Variants in GTPBP6 observed in about 807,000 individuals in gnomAD.
GTPBP6 encodes GTP binding protein 6.
In GTPBP6, 33 loss-of-function variants were observed where a neutral mutation model predicts 28.9. The observed-to-expected ratio is 1.14, with a 90% CI of 0.87 to 1.53. GTPBP6 has a LOEUF of 1.53. Among genes scored for constraint, GTPBP6 ranks in the 40% most tolerant of loss-of-function variants. The pLI, the probability that GTPBP6 is intolerant of heterozygous loss-of-function variation, is 0.00. For missense variants in GTPBP6, 507 were observed against 408.3 expected (o/e 1.24, Z -2.08); for synonymous variants, 231 against 192.7 (o/e 1.20, Z -1.65).
chrX:305,274 C>G, intron 9 of GTPBP6, 77 bp from the exon 10 acceptor site: 1 of 1,123,992 alleles, frequency 8.9e-7, no homozygotes. Flanking sequence ...AATAATTACG[C>G]TAAAAAGAGC....
In GTPBP6 at chrX:312,722, G is replaced by GTATCCC. The variant is rs376744795; in HGVS notation, c.916+43_916+44insGGGATA. The GTATCCC allele has an allele frequency of 1.5e-5, 24 of 1,595,654 alleles. 1 individual carries two copies. Among genetic ancestry groups the GTATCCC allele is most frequent in the Non-Finnish European group, 2.0e-5 (23 of 1,166,144 alleles). On this transcript the variant is annotated intron_variant, in intron 6 of 9. Coordinates refer to ENST00000326153, the Ensembl canonical transcript of GTPBP6. ...CTCCCCCGGGCGAGTCCTCACCGGT[G>GTATCCC]ACACGGAGACCGCGGAAGGCCCCTC...
chrX:317,398 T>C (rs2070457381), intron 1 of GTPBP6, among the ~76,000 whole-genome samples: 2 of 152,028 alleles, frequency 1.3e-5, no homozygotes, highest in African/African-American at 4.8e-5. Flanking sequence ...TGCGCGCTGT[T>C]CTGAGCAGTT....
intron 1 of GTPBP6, among the ~76,000 whole-genome samples, chrX:318,010 T>C (rs2070472506): frequency 1.0e-5 from 1 of 99,090 alleles, no homozygotes; most frequent in Admixed American, 1.1e-4. Context: ...CGCCACGCCC[T>C]GGCATCTCCA....
chrX:308,884 C>T (rs1402115508), intron 7 of GTPBP6, among the ~76,000 whole-genome samples: 3 of 151,782 alleles, frequency 2.0e-5, no homozygotes, highest in South Asian at 2.1e-4. Context: ...TACAGGCACC[C>T]GCCACCATGC....
chrX:314,322 A>C, intron 4 of GTPBP6, 105 bp from the exon 5 acceptor site: 2 of 931,990 alleles, frequency 2.1e-6, no homozygotes, highest in Admixed American at 1.9e-5. Flanking sequence ...TCTGGGCCGA[A>C]GGGAGGAGCC....
intron 2 of GTPBP6, among the ~76,000 whole-genome samples, chrX:316,662 A>G (rs2070445980): frequency 1.3e-5 from 2 of 152,112 alleles, no homozygotes; most frequent in African/African-American, 4.8e-5. Flanking sequence ...GTTGGACTCT[A>G]TAAACTGCCC....
At chrX:304,893 G>A (rs1408846709) in exon 10 of GTPBP6, 4 of 1,441,582 alleles carry the variant, frequency 2.8e-6, no homozygotes, top group Non-Finnish European at 3.7e-6. Context: ...CTTTGGGGCA[G>A]GTGCGGCCGT....
chrX:307,672 C>T, intron 8 of GTPBP6, 60 bp downstream of exon 8: 2 of 1,443,866 alleles, frequency 1.4e-6, no homozygotes, highest in South Asian at 1.4e-5. Context: ...GGCATCTCCC[C>T]ACCCGGCTCC....
chrX:305,950 T>C (rs2070153421), intron 9 of GTPBP6, among the ~76,000 whole-genome samples: 1 of 151,842 alleles, frequency 6.6e-6, no homozygotes, highest in Admixed American at 6.6e-5. Context: ...TTTGTAGAGA[T>C]GGGGTCTCAC....
chrX:305,171 T>G, exon 10 of GTPBP6: 1 of 1,613,706 alleles, frequency 6.2e-7, no homozygotes, highest in Non-Finnish European at 8.5e-7. Context: ...GTCCACCTCC[T>G]GAACTGTGGC....
intron 6 of GTPBP6, 164 bp downstream of exon 6, chrX:312,602 G>A (rs1356022561): frequency 2.6e-6 from 2 of 758,240 alleles, no homozygotes; most frequent in Non-Finnish European, 4.6e-6. Flanking sequence ...AGCAGCTGGT[G>A]TACCCCACAC....
At chrX:304,776 T>G in exon 10 of GTPBP6, 1 of 1,295,734 alleles carries the variant, frequency 7.7e-7, no homozygotes, top group Non-Finnish European at 9.8e-7. Flanking sequence ...AAAGGTTTAA[T>G]GTCCTGTTAC....
At chrX:312,465 G>A (rs1477246486) in intron 6 of GTPBP6, 24 of 595,500 alleles carry the variant, frequency 4.0e-5, no homozygotes, top group Non-Finnish European at 6.3e-5. Context: ...GTAGATGGAG[G>A]GGAGATTGTG....
Position 317,269 on chromosome X carries a change from C to G in GTPBP6, c.350-218G>C, listed in dbSNP as rs1475996705. Among the ~76,000 whole-genome samples the G allele has an allele frequency of 6.9e-3, 1,050 of 152,186 alleles. 16 individuals are homozygous for G. The highest frequency in any genetic ancestry group is 0.024 in the African/African-American group (998 of 41,536). Reference sequence around the variant, plus strand: ...AGCCACAGCGGGACACGAGGGCGACCCTGCCTTACATGGAATTTGGGCTCC... The same window carrying G: ...AGCCACAGCGGGACACGAGGGCGACGCTGCCTTACATGGAATTTGGGCTCC... On this transcript the variant is annotated intron_variant, in intron 1 of 9. Coordinates refer to ENST00000326153, the Ensembl canonical transcript of GTPBP6.
At chrX:304,961 C>G in exon 10 of GTPBP6, 1 of 1,507,298 alleles carries the variant, frequency 6.6e-7, no homozygotes, top group Non-Finnish European at 8.9e-7. Context: ...GGTGCAGAAC[C>G]AGACAAGGAG....
intron 9 of GTPBP6, among the ~76,000 whole-genome samples, chrX:305,772 C>A (rs1158583246): frequency 6.8e-6 from 1 of 148,032 alleles, no homozygotes; most frequent in Non-Finnish European, 1.5e-5. Flanking sequence ...CTACAGGTGC[C>A]CGCCACTGCG....
chrX:316,880 G>C (rs1165999845), intron 2 of GTPBP6, 34 bp downstream of exon 2: 13 of 398,604 alleles, frequency 3.3e-5, no homozygotes, highest in Non-Finnish European at 4.4e-6. Context: ...CAGGAAAGGA[G>C]GTTTGGGGAA....
chrX:314,509 G>T (rs1032122765), intron 4 of GTPBP6, among the ~76,000 whole-genome samples: 2 of 148,714 alleles, frequency 1.3e-5, no homozygotes, highest in Non-Finnish European at 3.0e-5. Context: ...GTCTCGCTCT[G>T]TCACCCAGGC....
intron 1 of GTPBP6, among the ~76,000 whole-genome samples, chrX:317,707 CCCCACCCCA>C (rs2070464768): frequency 1.6e-5 from 2 of 124,786 alleles, no homozygotes; most frequent in African/African-American, 3.2e-5. Context: ...CCCCACCCCA[CCCCACCCCA>C]CCCCACCCCA....
Sources: gnomAD v4.1 joint callset for allele counts (sites outside exome capture counted in the v4.1 genomes callset) on GRCh38, gnomAD v4.1.1 for gene constraint, MANE v1.5 for transcripts, NCBI Gene and HGNC (gene_info 2026-07-23, HGNC 2026-07-21) for gene names.